Variants in PTPRD observed in about 807,000 individuals in gnomAD.
PTPRD encodes receptor-type tyrosine-protein phosphatase delta.
Under a neutral mutation model 214.5 loss-of-function variants are expected in PTPRD, and 34 were observed. The ratio of observed to expected loss-of-function variants is 0.16; its 90% CI spans 0.12 to 0.21. The LOEUF (loss-of-function observed/expected upper bound fraction) is 0.21, where lower values mean the gene tolerates loss of function less well. PTPRD is among the 10% of genes least tolerant of loss of function. The pLI is 1.00. For synonymous variants in PTPRD, 1,128 were observed against 845.7 expected (o/e 1.33, Z -5.79); for missense variants, 2,545 against 2,398.7 (o/e 1.06, Z -1.27).
intron 10 of PTPRD, among the ~76,000 whole-genome samples, chr9:9,027,432 T>C (rs61109670): frequency 0.024 from 3,651 of 152,070 alleles, 68 homozygotes; most frequent in East Asian, 0.079. Context: ...AAAATACTGA[T>C]TGAGTTTAAG....
intron 2 of PTPRD, among the ~76,000 whole-genome samples, chr9:10,593,355 G>C (rs897542532): frequency 1.8e-4 from 28 of 152,122 alleles, no homozygotes; most frequent in African/African-American, 6.3e-4. Context: ...ACATGTAAGA[G>C]TGATTACTCA....
chr9:9,243,512 G>A (rs928542075), intron 9 of PTPRD, among the ~76,000 whole-genome samples: 1 of 151,968 alleles, frequency 6.6e-6, no homozygotes, highest in Non-Finnish European at 1.5e-5. Context: ...ACGTAATCCA[G>A]CATATAAACA....
chr9:10,441,249 T>C (rs988723672), intron 2 of PTPRD, among the ~76,000 whole-genome samples: 5 of 151,668 alleles, frequency 3.3e-5, no homozygotes, highest in Admixed American at 3.3e-4. Context: ...AAAGCTCATA[T>C]ATTGGAGCAT....
At chr9:8,786,221 G>C (rs758802771) in intron 11 of PTPRD, among the ~76,000 whole-genome samples, 4 of 152,090 alleles carry the variant, frequency 2.6e-5, no homozygotes, top group Admixed American at 6.6e-5. Context: ...ACTTGTTCCT[G>C]TGTTAACTAT....
chr9:9,657,535 G>T (rs1047397206), intron 7 of PTPRD, among the ~76,000 whole-genome samples: 1 of 152,060 alleles, frequency 6.6e-6, no homozygotes, highest in African/African-American at 2.4e-5. Context: ...AACCAACATG[G>T]CACAGGTATA....
chr9:9,909,286 T>C (rs1434016244), intron 5 of PTPRD, among the ~76,000 whole-genome samples: 1 of 151,458 alleles, frequency 6.6e-6, no homozygotes, highest in Non-Finnish European at 1.5e-5. Context: ...TGCTGATGAA[T>C]GGGATTTTAG....
At chr9:9,153,441 C>A (rs1337506427) in intron 10 of PTPRD, among the ~76,000 whole-genome samples, 1 of 152,044 alleles carries the variant, frequency 6.6e-6, no homozygotes, top group East Asian at 1.9e-4. Context: ...CATATTTTTT[C>A]TTCTCAAATG....
chr9:9,704,882 A>G (rs1182185283), intron 7 of PTPRD, among the ~76,000 whole-genome samples: 2 of 152,182 alleles, frequency 1.3e-5, no homozygotes, highest in African/African-American at 4.8e-5. Context: ...TGTTGATGCC[A>G]CATGAAACAA....
At chr9:9,705,044 CCTTTT>C (rs1307616532) in intron 7 of PTPRD, among the ~76,000 whole-genome samples, 4 of 152,280 alleles carry the variant, frequency 2.6e-5, no homozygotes, top group South Asian at 2.1e-4. Context: ...GCCATCCCCT[CCTTTT>C]CTTTTCTTTT....
intron 2 of PTPRD, among the ~76,000 whole-genome samples, chr9:10,465,310 T>C (rs1456305165): frequency 6.6e-6 from 1 of 152,202 alleles, no homozygotes; most frequent in South Asian, 2.1e-4. Context: ...ACAAAGTTCT[T>C]TTAGATAACT....
intron 5 of PTPRD, among the ~76,000 whole-genome samples, chr9:9,798,436 A>C (rs1410725643): frequency 6.6e-6 from 1 of 152,018 alleles, no homozygotes; most frequent in Non-Finnish European, 1.5e-5. Context: ...AATTGGGGGG[A>C]ATTTATCAAG....
chr9:10,604,232 T>A (rs2078725774), intron 2 of PTPRD, among the ~76,000 whole-genome samples: 1 of 151,832 alleles, frequency 6.6e-6, no homozygotes, highest in South Asian at 2.1e-4. Flanking sequence ...AGCATTTGAT[T>A]CACACCAAAG....
At chr9:10,460,689 C>G (rs1433527590) in intron 2 of PTPRD, among the ~76,000 whole-genome samples, 1 of 152,012 alleles carries the variant, frequency 6.6e-6, no homozygotes, top group Admixed American at 6.6e-5. Flanking sequence ...ATTGACATAT[C>G]CGAGACAATG....
At chr9:8,730,303 C>T in intron 12 of PTPRD, among the ~76,000 whole-genome samples, 1 of 152,082 alleles carries the variant, frequency 6.6e-6, no homozygotes, top group South Asian at 2.1e-4. Flanking sequence ...ATAGTGACTA[C>T]AGCAAGGCTC....
At chr9:8,521,719 G>A (rs900264534) in intron 19 of PTPRD, among the ~76,000 whole-genome samples, 173 bp from the exon 20 acceptor site, 1 of 152,126 alleles carries the variant, frequency 6.6e-6, no homozygotes, top group African/African-American at 2.4e-5. Flanking sequence ...AGTATGGTGT[G>A]TGTATACACA....
intron 2 of PTPRD, among the ~76,000 whole-genome samples, chr9:10,374,543 G>C (rs1216119999): frequency 6.6e-6 from 1 of 151,982 alleles, no homozygotes; most frequent in Non-Finnish European, 1.5e-5. Context: ...ACACTCAGAT[G>C]CCTCAGGAAC....
At chr9:9,069,754 A>C (rs185931382) in intron 10 of PTPRD, among the ~76,000 whole-genome samples, 17 of 152,316 alleles carry the variant, frequency 1.1e-4, no homozygotes, top group Admixed American at 7.2e-4. Flanking sequence ...AAACATGTAT[A>C]CCTCTTAATT....
chr9:10,574,051 AACCTGAGG>A (rs760259849), intron 2 of PTPRD, among the ~76,000 whole-genome samples: 79 of 152,208 alleles, frequency 5.2e-4, no homozygotes, highest in Non-Finnish European at 8.4e-4. Context: ...TAAAATCAGT[AACCTGAGG>A]TATATAATCC....
chr9:9,568,940 G>A (rs1481513200), intron 8 of PTPRD, among the ~76,000 whole-genome samples: 5 of 151,686 alleles, frequency 3.3e-5, no homozygotes, highest in African/African-American at 1.2e-4. Flanking sequence ...ATGCTTAGTG[G>A]GTTTTGTTGA....
Sources: allele counts gnomAD v4.1 joint callset (sites outside exome capture counted in the v4.1 genomes callset), GRCh38; gene constraint gnomAD v4.1.1; transcripts MANE v1.5; gene names NCBI Gene and HGNC (gene_info 2026-07-23, HGNC 2026-07-21).